The following HTR4 variants were observed in gnomAD, a reference collection of about 807,000 sequenced individuals.
HTR4 encodes 5-hydroxytryptamine receptor 4, also known as 5-hydroxytryptamine (serotonin) receptor 4, G protein-coupled.
Under a neutral mutation model 36.8 loss-of-function variants are expected in HTR4, and 16 were observed. The observed-to-expected ratio is 0.43, with a 90% CI of 0.29 to 0.66. The LOEUF is 0.66. Among genes scored for constraint, HTR4 ranks in the 30% least tolerant of loss-of-function variants. The pLI, the probability that HTR4 is intolerant of heterozygous loss-of-function variation, is 0.13. For missense variants in HTR4, 438 were observed against 490.9 expected, an observed-to-expected ratio of 0.89 and a Z score of 1.02; for synonymous variants, 189 against 185.1, an observed-to-expected ratio of 1.02 and a Z score of -0.17.
In HTR4 at chr5:148,502,395, G is replaced by A. The variant is rs184304586; in HGVS notation, c.1076+7061C>T. The stretch of plus-strand genomic sequence containing the variant: ...GATACCCAGGCTAACAGGTTCTGGA[G>A]TGTTAACTCCAGCAAACTCCAACAG... On this transcript the variant is annotated intron_variant, in intron 6 of 6. Coordinates refer to ENST00000377888, the MANE Select transcript of HTR4 (RefSeq NM_000870.7). Among the ~76,000 whole-genome samples the A allele has an allele frequency of 2.1e-3, 326 of 152,346 alleles. 4 individuals are homozygous for A. The highest frequency in any genetic ancestry group is 3.8e-3 in the Non-Finnish European group (256 of 68,032).
rs1267571332 is a variant in HTR4, at chr5:148,481,769, A to G, written c.*1434T>C. ...AATCTCACATGGCTCTGGGTTTGGCATTTACCTTCCCGGGACTTCTGCTAT... is the reference window on the plus strand; with the variant it reads ...AATCTCACATGGCTCTGGGTTTGGCGTTTACCTTCCCGGGACTTCTGCTAT... On this transcript the variant is annotated 3_prime_UTR_variant, in exon 7 of 7. Transcript: ENST00000377888. 6.4e-6 allele frequency: 9 copies of G among 1,409,530 alleles called. No individual in the cohort carries two copies. Among genetic ancestry groups the G allele is most frequent in the South Asian group, 1.7e-5 (1 of 58,154 alleles). The allele number at this position is 1,409,530 out of a possible 1,614,324, so 87.3% of individuals were successfully genotyped here.
chr5:148,605,469 G>A (rs1397580580), intron 2 of HTR4, among the ~76,000 whole-genome samples: 1 of 151,502 alleles, frequency 6.6e-6, no homozygotes, highest in African/African-American at 2.4e-5. Flanking sequence ...TGTTGGCCAG[G>A]CTGGTCTCGA....
intron 5 of HTR4, among the ~76,000 whole-genome samples, chr5:148,464,742 C>T (rs1561561707): frequency 6.6e-6 from 1 of 152,046 alleles, no homozygotes; most frequent in African/African-American, 2.4e-5. Flanking sequence ...GGTATTTACA[C>T]CAAGGAGTTG....
At chr5:148,474,657 G>T (rs1561565877), downstream of HTR4, among the ~76,000 whole-genome samples, 1 of 152,090 alleles carries the variant, frequency 6.6e-6, no homozygotes, top group African/African-American at 2.4e-5. Context: ...AATTTCAGAG[G>T]GAGTGTCTCT....
intron 2 of HTR4, among the ~76,000 whole-genome samples, chr5:148,593,796 GCT>G (rs972728373): frequency 4.5e-4 from 69 of 152,246 alleles, no homozygotes; most frequent in African/African-American, 1.5e-3. Context: ...GGCAATCTGA[GCT>G]CTGTTTTTGG....
chr5:148,595,670 T>C (rs75985561), intron 2 of HTR4, among the ~76,000 whole-genome samples: 3,570 of 152,312 alleles, frequency 0.023, 63 homozygotes, highest in Middle Eastern at 0.071. Flanking sequence ...TTGACCATTA[T>C]ATGCAAATCA....
intron 5 of HTR4, among the ~76,000 whole-genome samples, chr5:148,513,325 T>C (rs1757583905): frequency 6.6e-6 from 1 of 152,128 alleles, no homozygotes; most frequent in South Asian, 2.1e-4. Flanking sequence ...CACCAGAAAT[T>C]AGTTTTTCTG....
At chr5:148,639,971 C>A (rs1451308695) in intron 1 of HTR4, among the ~76,000 whole-genome samples, 1 of 152,068 alleles carries the variant, frequency 6.6e-6, no homozygotes, top group Non-Finnish European at 1.5e-5. Flanking sequence ...CCAGACATTG[C>A]CCTTTTTCTC....
chr5:148,597,209 C>T (rs553861426), intron 2 of HTR4, among the ~76,000 whole-genome samples: 7 of 152,134 alleles, frequency 4.6e-5, no homozygotes, highest in Non-Finnish European at 1.0e-4. Flanking sequence ...TTATTCATGG[C>T]CCCATTATTG....
chr5:148,500,760 G>T (rs1019908349), intron 6 of HTR4, among the ~76,000 whole-genome samples: 2 of 151,886 alleles, frequency 1.3e-5, no homozygotes, highest in African/African-American at 2.4e-5. Context: ...TTTAAAAGAG[G>T]TTCAATCTGA....
At chr5:148,582,147 A>G (rs1204852630) in intron 2 of HTR4, among the ~76,000 whole-genome samples, 1 of 151,998 alleles carries the variant, frequency 6.6e-6, no homozygotes, top group Non-Finnish European at 1.5e-5. Flanking sequence ...TAAAGAATAG[A>G]TATGCAACTC....
At chr5:148,528,272 A>G (rs573577168) in intron 4 of HTR4, among the ~76,000 whole-genome samples, 2 of 152,196 alleles carry the variant, frequency 1.3e-5, no homozygotes, top group Non-Finnish European at 2.9e-5. Context: ...AGCTTCTTCA[A>G]TGTGGTCCTC....
At chr5:148,451,249 T>A in exon 6 of HTR4, 1 of 1,613,904 alleles carries the variant, frequency 6.2e-7, no homozygotes, top group South Asian at 1.1e-5. Context: ...TTCCTGATGA[T>A]GTCCCCTGTG....
At chr5:148,493,333 T>C (rs1756543045) in intron 6 of HTR4, among the ~76,000 whole-genome samples, 1 of 152,212 alleles carries the variant, frequency 6.6e-6, no homozygotes, top group Admixed American at 6.5e-5. Flanking sequence ...ATTAGTAGAA[T>C]GTGTATGTAT....
At chr5:148,544,129 C>T (rs377262333) in intron 4 of HTR4, among the ~76,000 whole-genome samples, 6 of 151,192 alleles carry the variant, frequency 4.0e-5, no homozygotes, top group African/African-American at 1.4e-4. Context: ...GCCCCCAACC[C>T]CAATTTAACT....
intron 6 of HTR4, among the ~76,000 whole-genome samples, chr5:148,491,756 T>C (rs1373908235): frequency 1.3e-5 from 2 of 152,178 alleles, no homozygotes; most frequent in Admixed American, 6.5e-5. Context: ...TAAAGCATTA[T>C]CTAATTCAAC....
chr5:148,562,062 T>G (rs773785075), intron 2 of HTR4, among the ~76,000 whole-genome samples: 1 of 152,218 alleles, frequency 6.6e-6, no homozygotes, highest in Non-Finnish European at 1.5e-5. Flanking sequence ...CAGCTCAATT[T>G]TATGCTGTTG....
At position 148,482,579 on chromosome 5, in the gene HTR4, G is replaced by A. The variant is rs1473417099; in HGVS notation, c.*624C>T. 1 of 986,750 alleles carries A rather than the reference G, an allele frequency of 1.0e-6. No individual in the cohort carries two copies. The highest frequency in any genetic ancestry group is 1.2e-6 in the Non-Finnish European group (1 of 830,810). 61.1% of individuals were successfully genotyped at this position (986,750 alleles called of 1,614,324 possible). A position where few individuals can be genotyped will look rare whatever the true frequency, so the allele number is the denominator to read the frequency against. ...GGACAGACATTGGACATAAGGAAGA[G>A]CAAGTGGACGTCTGGGACTGACAAG... On this transcript the variant is annotated 3_prime_UTR_variant, in exon 7 of 7. Coordinates refer to ENST00000377888, the MANE Select transcript of HTR4 (RefSeq NM_000870.7).
At chr5:148,541,495 T>G (rs1759114135) in intron 4 of HTR4, among the ~76,000 whole-genome samples, 1 of 152,206 alleles carries the variant, frequency 6.6e-6, no homozygotes, top group African/African-American at 2.4e-5. Flanking sequence ...GATGCTTTGA[T>G]TCAATACTCC....
Sources: gnomAD v4.1 joint callset for allele counts (sites outside exome capture counted in the v4.1 genomes callset) on GRCh38, gnomAD v4.1.1 for gene constraint, MANE v1.5 for transcripts, NCBI Gene and HGNC (gene_info 2026-07-23, HGNC 2026-07-21) for gene names.